Variants in USP7 observed in about 807,000 individuals in gnomAD.
USP7 encodes ubiquitin C-terminal hydrolase 7.
In USP7, 9 loss-of-function variants were observed where a neutral mutation model predicts 162.9. That is an observed-to-expected ratio of 0.06 (90% CI 0.03 to 0.10). The LOEUF (loss-of-function observed/expected upper bound fraction) is 0.10. Among genes scored for constraint, USP7 ranks in the 10% least tolerant of loss-of-function variants. The pLI is 1.00. For synonymous variants in USP7, 562 were observed against 475.9 expected, an observed-to-expected ratio of 1.18 and a Z score of -2.35; for missense variants, 715 against 1,373.7, an observed-to-expected ratio of 0.52 and a Z score of 7.58.
chr16:8,900,483 A>T (rs780048050), intron 21 of USP7, 47 bp downstream of exon 21: 15 of 1,426,956 alleles, frequency 1.1e-5, no homozygotes, highest in Non-Finnish European at 1.4e-5. Flanking sequence ...ACTTAAAAAA[A>T]TCCTGAAATT....
At chr16:8,931,548 G>T (rs181087280) in intron 1 of USP7, among the ~76,000 whole-genome samples, 11 of 152,300 alleles carry the variant, frequency 7.2e-5, no homozygotes, top group African/African-American at 2.2e-4. Context: ...AAAGATCCGG[G>T]AAAGTGTTTA....
chr16:8,926,434 A>AC (rs1897999166), intron 2 of USP7, among the ~76,000 whole-genome samples: 1 of 152,042 alleles, frequency 6.6e-6, no homozygotes, highest in African/African-American at 2.4e-5. Flanking sequence ...AGCTGAGATC[A>AC]TGGCATTGCA....
chr16:8,897,726 A>AAAAAAATAT, intron 25 of USP7, among the ~76,000 whole-genome samples: 4 of 7,136 alleles, frequency 5.6e-4, no homozygotes, highest in African/African-American at 1.1e-3. Flanking sequence ...AAAAAAAAAA[A>AAAAAAATAT]ATATATATAT....
chr16:8,923,448 G>T, intron 2 of USP7, 35 bp from the exon 3 acceptor site: 1 of 1,608,134 alleles, frequency 6.2e-7, no homozygotes, highest in Non-Finnish European at 8.5e-7. Context: ...CACAGAGCCT[G>T]TGCATTGACC....
rs1897677791 is a variant in USP7 at position 8,921,314 on chromosome 16, T to C, written c.384-19A>G. The C allele has an allele frequency of 6.2e-7, 1 of 1,608,218 alleles. No homozygotes were observed. The highest frequency in any genetic ancestry group is 1.3e-5 in the African/African-American group (1 of 74,710). ...CCATGACCTGTTTAAAAGAATAATC[T>C]GAGCCTTAGTTGACATTATTTACCA... On this transcript the variant is annotated intron_variant, in intron 3 of 30. Coordinates refer to ENST00000344836, the MANE Select transcript of USP7 (RefSeq NM_003470.3).
rs1024309885 is a variant in USP7 at position 8,897,278 on chromosome 16, T to G, written c.2719-179A>C. 6.7e-6 allele frequency: 4 copies of G among 598,516 alleles called. No individual in the cohort carries two copies. In the African/African-American group the frequency reaches 7.5e-5, roughly 11 times the overall value. 37.1% of individuals were successfully genotyped at this position (598,516 alleles called of 1,614,324 possible). ...GTGAATTCACTCACAGTGAGGACAC[T>G]GGCCCTAATCTAGGACCAACCAAAT... On this transcript the variant is annotated intron_variant, in intron 25 of 30. Coordinates refer to ENST00000344836, the MANE Select transcript of USP7 (RefSeq NM_003470.3).
intron 22 of USP7, 89 bp from the exon 23 acceptor site, chr16:8,899,277 A>G: frequency 2.3e-6 from 3 of 1,298,336 alleles, no homozygotes; most frequent in Non-Finnish European, 3.3e-6. Context: ...ATGTGCCATG[A>G]GCAGCCTGAA....
chr16:8,927,021 A>G (rs1898041109), intron 2 of USP7, among the ~76,000 whole-genome samples: 1 of 152,192 alleles, frequency 6.6e-6, no homozygotes, highest in African/African-American at 2.4e-5. Context: ...TTCAGTTGCA[A>G]AAAGAAAGGT....
intron 1 of USP7, among the ~76,000 whole-genome samples, chr16:8,948,119 C>T (rs1010502786): frequency 2.6e-5 from 4 of 152,242 alleles, no homozygotes; most frequent in Non-Finnish European, 5.9e-5. Context: ...GCTCCCACCA[C>T]TGTGGCCTGT....
At chr16:8,916,698 C>T (rs1897388452) in intron 7 of USP7, 142 bp from the exon 8 acceptor site, 1 of 903,532 alleles carries the variant, frequency 1.1e-6, no homozygotes, top group African/African-American at 1.7e-5. Context: ...TTTTGGGAGT[C>T]ATAATTCAAA....
intron 16 of USP7, 127 bp downstream of exon 16, chr16:8,903,141 T>G: frequency 7.9e-7 from 1 of 1,265,922 alleles, no homozygotes. Context: ...TGGGTCACAC[T>G]CCTCACTGTT....
At chr16:8,915,191 G>A (rs761104262) in intron 10 of USP7, 63 bp downstream of exon 10, 8 of 1,427,848 alleles carry the variant, frequency 5.6e-6, no homozygotes, top group Non-Finnish European at 7.6e-6. Flanking sequence ...TTGTGTAAAT[G>A]AAACATTAAA....
Position 8,895,011 on chromosome 16 carries a change from G to A in USP7, c.3039+20C>T, listed in dbSNP as rs369470236. On this transcript the variant is annotated intron_variant, in intron 28 of 30. Transcript: ENST00000344836. Reference sequence around the variant, plus strand: ...CTCCAGGTTTTGACGTGAGCCACTCGGCCAACCACAACAGCATACCTGGTG... The same window carrying A: ...CTCCAGGTTTTGACGTGAGCCACTCAGCCAACCACAACAGCATACCTGGTG... 3.9e-5 allele frequency: 63 copies of A among 1,614,050 alleles called. No homozygotes were observed. The highest frequency in any genetic ancestry group is 5.1e-5 in the Non-Finnish European group (60 of 1,180,036).
At chr16:8,961,281 T>TC (rs897886159) in intron 1 of USP7, among the ~76,000 whole-genome samples, 12 of 151,652 alleles carry the variant, frequency 7.9e-5, no homozygotes, top group African/African-American at 2.9e-4. Flanking sequence ...TCACCTGAGG[T>TC]CGGGAGTTCG....
intron 4 of USP7, 109 bp downstream of exon 4, chr16:8,921,048 A>C (rs1374065507): frequency 6.4e-6 from 8 of 1,243,738 alleles, no homozygotes; most frequent in Non-Finnish European, 8.7e-6. Flanking sequence ...CCAATTTAGA[A>C]AGTAAAAATC....
At chr16:8,907,442 G>C (rs2061878394) in intron 12 of USP7, among the ~76,000 whole-genome samples, 1 of 152,166 alleles carries the variant, frequency 6.6e-6, no homozygotes, top group South Asian at 2.1e-4. Context: ...AAGGCTGAAT[G>C]ACCAACCTAT....
intron 10 of USP7, among the ~76,000 whole-genome samples, chr16:8,914,830 G>T (rs1401944523): frequency 6.6e-6 from 1 of 152,202 alleles, no homozygotes; most frequent in Admixed American, 6.5e-5. Flanking sequence ...GAAGCAGGAG[G>T]ATCGCCTGAG....
At chr16:8,943,323 G>A (rs1263759458) in intron 1 of USP7, among the ~76,000 whole-genome samples, 1 of 151,242 alleles carries the variant, frequency 6.6e-6, no homozygotes, top group African/African-American at 2.5e-5. Flanking sequence ...TTATAATTAC[G>A]CCTGTACTGC....
intron 1 of USP7, among the ~76,000 whole-genome samples, chr16:8,937,343 G>A (rs1898803115): frequency 6.6e-6 from 1 of 152,198 alleles, no homozygotes; most frequent in Non-Finnish European, 1.5e-5. Context: ...CCAGAAGTTT[G>A]AGACCAGCCT....
Sources: gnomAD v4.1 joint callset for allele counts (sites outside exome capture counted in the v4.1 genomes callset) on GRCh38, gnomAD v4.1.1 for gene constraint, MANE v1.5 for transcripts, NCBI Gene and HGNC (gene_info 2026-07-23, HGNC 2026-07-21) for gene names.